The following DIP2C variants were observed in gnomAD, a reference collection of about 807,000 sequenced individuals.
DIP2C encodes the protein DIP2 acetate--CoA ligase C (putative).
Under a neutral mutation model 192.4 loss-of-function variants are expected in DIP2C, and 33 were observed. That is an observed-to-expected ratio of 0.17 (90% CI 0.13 to 0.23). DIP2C has a LOEUF of 0.23. Ranked by LOEUF, DIP2C falls within the 10% of genes least tolerant of loss-of-function variation. The probability of loss-of-function intolerance (pLI) is 1.00; values close to 1 mark genes in which losing one functional copy is unlikely to be tolerated. For missense variants in DIP2C, 1,537 were observed against 2,110.1 expected (o/e 0.73, Z 5.32); for synonymous variants, 979 against 864.1 (o/e 1.13, Z -2.33).
intron 1 of DIP2C, among the ~76,000 whole-genome samples, chr10:567,525 G>A (rs542328047): frequency 4.6e-5 from 7 of 152,218 alleles, no homozygotes; most frequent in East Asian, 1.9e-4. Context: ...ATAATTAACT[G>A]GGCTGTTGAT....
chr10:662,919 GT>G (rs1348251601), intron 1 of DIP2C: 5 of 717,406 alleles, frequency 7.0e-6, no homozygotes, highest in Non-Finnish European at 1.3e-5. Context: ...CTCGGGAGAG[GT>G]GGATGTACGC....
At chr10:570,112 T>C (rs1849690528) in intron 1 of DIP2C, among the ~76,000 whole-genome samples, 1 of 152,080 alleles carries the variant, frequency 6.6e-6, no homozygotes, top group African/African-American at 2.4e-5. Context: ...TCAGAGATAG[T>C]CATAGCACTG....
intron 1 of DIP2C, among the ~76,000 whole-genome samples, chr10:679,507 TG>T (rs1258762519): frequency 9.2e-5 from 1 of 10,858 alleles, no homozygotes; most frequent in Non-Finnish European, 3.4e-4. Flanking sequence ...CCCACACCCG[TG>T]CTCCCCACGC....
intron 1 of DIP2C, among the ~76,000 whole-genome samples, chr10:576,471 C>T (rs1275409928): frequency 6.6e-6 from 1 of 152,218 alleles, no homozygotes; most frequent in Non-Finnish European, 1.5e-5. Context: ...TCCGGCATTC[C>T]TTCAGAAACA....
intron 1 of DIP2C, among the ~76,000 whole-genome samples, chr10:683,523 T>C (rs1215838919): frequency 3.9e-5 from 6 of 152,122 alleles, no homozygotes; most frequent in Non-Finnish European, 7.4e-5. Flanking sequence ...ACCCACAAGA[T>C]AGAGTGGTCA....
chr10:606,663 G>A (rs1852509070), intron 1 of DIP2C, among the ~76,000 whole-genome samples: 1 of 152,244 alleles, frequency 6.6e-6, no homozygotes. Flanking sequence ...ATTACGTGCT[G>A]TGATCTGAAT....
intron 1 of DIP2C, among the ~76,000 whole-genome samples, chr10:624,547 T>A (rs189474492): frequency 4.6e-5 from 7 of 152,042 alleles, no homozygotes; most frequent in African/African-American, 9.6e-5. Context: ...GGGCCTTGAG[T>A]GGCTTGGAAG....
At chr10:634,410 A>G (rs1378989746) in intron 1 of DIP2C, among the ~76,000 whole-genome samples, 1 of 152,250 alleles carries the variant, frequency 6.6e-6, no homozygotes, top group Non-Finnish European at 1.5e-5. Flanking sequence ...AGTTGGAAGT[A>G]GCGCTGGAGA....
chr10:664,520 C>G (rs1856969193), intron 1 of DIP2C: 1 of 152,104 alleles, frequency 6.6e-6, no homozygotes, highest in African/African-American at 2.4e-5. Context: ...ATAAATCATC[C>G]AATAAAATGA....
At chr10:514,694 A>AGG (rs1408275501) in intron 1 of DIP2C, among the ~76,000 whole-genome samples, 1 of 152,048 alleles carries the variant, frequency 6.6e-6, no homozygotes, top group East Asian at 1.9e-4. Flanking sequence ...ATGGCTCCTG[A>AGG]GGGACCTGGT....
chr10:343,898 G>A (rs538986949), intron 28 of DIP2C, among the ~76,000 whole-genome samples: 20 of 152,350 alleles, frequency 1.3e-4, no homozygotes, highest in African/African-American at 4.8e-4. Context: ...GATCCAGTGG[G>A]AATTCACAGA....
intron 29 of DIP2C, among the ~76,000 whole-genome samples, chr10:335,825 C>T (rs1402200773): frequency 6.6e-6 from 1 of 152,222 alleles, no homozygotes; most frequent in Non-Finnish European, 1.5e-5. Flanking sequence ...CACTTCTCAT[C>T]AAGCTTTCCA....
At chr10:507,746 C>T (rs74115027) in intron 1 of DIP2C, among the ~76,000 whole-genome samples, 1 of 152,120 alleles carries the variant, frequency 6.6e-6, no homozygotes, top group East Asian at 1.9e-4. Context: ...GATTGAAGAT[C>T]GAAGGTTAGA....
chr10:501,771 C>T lies in DIP2C; in HGVS notation c.86-15241G>A, dbSNP rs146104306. ...CATTCATTCAGGAATATGCGTTACA[C>T]ACCGACCACAGGCCAGGCACTGTGC... On this transcript the variant is annotated intron_variant, in intron 1 of 36. Transcript: ENST00000280886. Among the ~76,000 whole-genome samples, 137 of 152,266 alleles carry T rather than the reference C, an allele frequency of 9.0e-4. 1 individual carries two copies. Among genetic ancestry groups the T allele is most frequent in the African/African-American group, 3.1e-3 (127 of 41,570 alleles).
intron 1 of DIP2C, among the ~76,000 whole-genome samples, chr10:682,091 T>G (rs1831155069): frequency 6.6e-6 from 1 of 152,228 alleles, no homozygotes; most frequent in African/African-American, 2.4e-5. Context: ...CCTTTGCTGG[T>G]CTGCTGACCA....
intron 1 of DIP2C, among the ~76,000 whole-genome samples, chr10:599,479 A>G (rs555779946): frequency 6.6e-6 from 1 of 152,366 alleles, no homozygotes; most frequent in Non-Finnish European, 1.5e-5. Flanking sequence ...CCATGGAAGT[A>G]TAATCATGTC....
At chr10:582,973 T>C (rs2131597613) in intron 1 of DIP2C, among the ~76,000 whole-genome samples, 1 of 152,346 alleles carries the variant, frequency 6.6e-6, no homozygotes, top group Non-Finnish European at 1.5e-5. Context: ...AAGACTAATT[T>C]TCTCCATAAA....
chr10:669,472 A>G (rs1857311038), intron 1 of DIP2C: 1 of 152,234 alleles, frequency 6.6e-6, no homozygotes, highest in African/African-American at 2.4e-5. Flanking sequence ...CCTGCACTCA[A>G]CACTGGAGAA....
In DIP2C at chr10:384,271, CTTTTTTTTTTTTTT is replaced by C. The variant is rs35461394; in HGVS notation, c.1757-139_1757-126del. On this transcript the variant is annotated intron_variant, in intron 15 of 36. Transcript: ENST00000280886. ...CACTGGTCACCCAGCCCCCACAAAC[CTTTTTTTTTTTTTT>C]TTTTTTTTTTTTTTGTGATCTTGGC... 24 of 301,958 alleles carry C rather than the reference CTTTTTTTTTTTTTT, an allele frequency of 7.9e-5. No homozygotes were observed. In the African/African-American group the frequency reaches 8.7e-4, roughly 11 times the overall value. The allele number at this position is 301,958 out of a possible 1,614,324, so 18.7% of individuals were successfully genotyped here.
Sources: allele counts gnomAD v4.1 joint callset (sites outside exome capture counted in the v4.1 genomes callset), GRCh38; gene constraint gnomAD v4.1.1; transcripts MANE v1.5; gene names NCBI Gene and HGNC (gene_info 2026-07-23, HGNC 2026-07-21).